ZNF44: variants seen among roughly 807,000 people sequenced by gnomAD.
The protein encoded by ZNF44 is gonadotropin inducible transcription repressor-2.
In ZNF44, 9 loss-of-function variants were observed where a neutral mutation model predicts 11.7. The ratio of observed to expected loss-of-function variants is 0.77; its 90% confidence interval spans 0.46 to 1.35. ZNF44 has a LOEUF of 1.35. ZNF44 is among the 40% of genes most tolerant of loss of function. ZNF44 has a pLI of 0.00. For synonymous variants in ZNF44, 224 were observed against 242.7 expected (o/e 0.92, Z 0.72); for missense variants, 696 against 743.1 (o/e 0.94, Z 0.74).
chr19:12,294,534 C>G (rs1968162492), intron 1 of ZNF44, among the ~76,000 whole-genome samples, 158 bp downstream of exon 1: 1 of 152,216 alleles, frequency 6.6e-6, no homozygotes, highest in Non-Finnish European at 1.5e-5. Flanking sequence ...CAGCCCCACC[C>G]TGCGGCCAAA....
At chr19:12,248,739 G>T in intron 7 of ZNF44, 1 of 984,892 alleles carries the variant, frequency 1.0e-6, no homozygotes, top group Non-Finnish European at 1.3e-6. Flanking sequence ...TTTATTAACT[G>T]ATACTAGAAT....
intron 1 of ZNF44, among the ~76,000 whole-genome samples, chr19:12,283,931 G>T (rs978111183): frequency 1.3e-5 from 2 of 152,210 alleles, no homozygotes; most frequent in African/African-American, 4.8e-5. Context: ...TGAGGCTGCA[G>T]TGAGCTGATT....
In ZNF44 at chr19:12,248,741, T is replaced by C. The variant is rs1916859024; in HGVS notation, c.*187-63A>G. 5 of 970,470 alleles carry C rather than the reference T, an allele frequency of 5.2e-6. No homozygotes were observed. The South Asian group carries it at 6.8e-5, about 13-fold the overall frequency. 60.1% of individuals were successfully genotyped at this position (970,470 alleles called of 1,614,324 possible). On this transcript the variant is annotated intron_variant and NMD_transcript_variant, in intron 7 of 7. Transcript: ENST00000393337. The stretch of plus-strand genomic sequence containing the variant: ...TAAAGATTTTCTCTTTATTAACTGA[T>C]ACTAGAATAACTATTTTTTCCACTT...
chr19:12,283,596 TG>T (rs1967586393), intron 1 of ZNF44, among the ~76,000 whole-genome samples: 1 of 152,242 alleles, frequency 6.6e-6, no homozygotes, highest in Non-Finnish European at 1.5e-5. Context: ...CCCAAAGTGC[TG>T]GGATTACAGG....
chr19:12,253,103 A>C (rs1917087782), intron 5 of ZNF44, among the ~76,000 whole-genome samples: 1 of 150,726 alleles, frequency 6.6e-6, no homozygotes, highest in South Asian at 2.1e-4. Context: ...TTGGCCAGCT[A>C]GTCTCGAACT....
At chr19:12,268,414 T>C (rs540141631), downstream of ZNF44, among the ~76,000 whole-genome samples, 74 of 152,330 alleles carry the variant, frequency 4.9e-4, no homozygotes, top group African/African-American at 1.7e-3. Context: ...AGATTATTTC[T>C]GGTCTCTCTA....
At chr19:12,249,788 G>A (rs1916919753) in intron 7 of ZNF44, among the ~76,000 whole-genome samples, 1 of 152,136 alleles carries the variant, frequency 6.6e-6, no homozygotes, top group Admixed American at 6.5e-5. Flanking sequence ...CCGACCTCAG[G>A]TGATCCGGCT....
At chr19:12,228,127 C>CAATT (rs1468719567) in intron 3 of ZNF44, among the ~76,000 whole-genome samples, 2 of 151,796 alleles carry the variant, frequency 1.3e-5, no homozygotes, top group African/African-American at 4.9e-5. Context: ...ATTTCCTTTA[C>CAATT]AATTAACCTG....
upstream of ZNF44, among the ~76,000 whole-genome samples, chr19:12,240,243 A>AGACCAGCAT (rs1487147599): frequency 2.0e-5 from 3 of 152,142 alleles, no homozygotes; most frequent in East Asian, 5.8e-4. Context: ...CAAGAGTTCA[A>AGACCAGCAT]GACCAGCATG....
At position 12,273,679 on chromosome 19, in the gene ZNF44, A is replaced by C; in HGVS notation, c.576T>G (p.Gly192=). Residue 192 remains glycine (G), a synonymous_variant, in exon 4 of 4, where the codon GGT becomes GGG. Coordinates refer to ENST00000355684, the MANE Select transcript of ZNF44 (RefSeq NM_016264.4). ...GNLRRHMVVK[G]GDGPYKCELC... ...ATTCACATTTATAAGGTCCATCTCCACCTTTTACTACCATATGTCTTCGAA... is the reference window on the plus strand; with the variant it reads ...ATTCACATTTATAAGGTCCATCTCCCCCTTTTACTACCATATGTCTTCGAA... 6.2e-7 allele frequency: 1 copy of C among 1,614,140 alleles called. No individual in the cohort carries two copies. The highest frequency in any genetic ancestry group is 8.5e-7 in the Non-Finnish European group (1 of 1,180,036).
chr19:12,251,888 C>G (rs539265743), intron 5 of ZNF44, among the ~76,000 whole-genome samples: 1 of 151,978 alleles, frequency 6.6e-6, no homozygotes. Flanking sequence ...CCTGTCTCTA[C>G]TAATAATACA....
intron 3 of ZNF44, 110 bp downstream of exon 3, chr19:12,274,863 T>C: frequency 1.4e-6 from 1 of 707,408 alleles, no homozygotes; most frequent in Admixed American, 3.3e-5. Flanking sequence ...TTTCTAAGAA[T>C]AAATAAATTT....
At chr19:12,292,532 G>C (rs796932379) in intron 1 of ZNF44, among the ~76,000 whole-genome samples, 1 of 152,000 alleles carries the variant, frequency 6.6e-6, no homozygotes, top group Non-Finnish European at 1.5e-5. Context: ...CTGGAACACA[G>C]ACAAGTCTCA....
upstream of ZNF44, among the ~76,000 whole-genome samples, chr19:12,239,337 C>T (rs575649172): frequency 1.3e-5 from 2 of 151,602 alleles, no homozygotes; most frequent in African/African-American, 4.8e-5. Context: ...TCGTCTTGAA[C>T]TCCTGACCTC....
At chr19:12,253,986 G>GA (rs918030367) in intron 5 of ZNF44, among the ~76,000 whole-genome samples, 3 of 151,708 alleles carry the variant, frequency 2.0e-5, no homozygotes, top group Admixed American at 1.3e-4. Flanking sequence ...CTCGAAAAAG[G>GA]AAAAAATAAG....
At chr19:12,247,579 T>C (rs1476580856), downstream of ZNF44, 5 of 1,338,588 alleles carry the variant, frequency 3.7e-6, no homozygotes, top group Non-Finnish European at 5.0e-6. Context: ...GCAAGAGTAA[T>C]GTATGTTTTC....
chr19:12,243,991 ATTTT>A (rs542737778), downstream of ZNF44, among the ~76,000 whole-genome samples: 67 of 151,276 alleles, frequency 4.4e-4, 1 homozygote, highest in South Asian at 2.7e-3. Flanking sequence ...TTTTAAATTT[ATTTT>A]TTCTTATTGT....
At chr19:12,293,716 A>G (rs1968115088) in intron 1 of ZNF44, among the ~76,000 whole-genome samples, 2 of 152,134 alleles carry the variant, frequency 1.3e-5, no homozygotes, top group South Asian at 4.1e-4. Flanking sequence ...TGTTAGCCCC[A>G]AGAGGAGTTA....
rs189920755 is a variant in ZNF44 at position 12,273,727 on chromosome 19, T to C, written c.528A>G (p.Lys176=). ...KKPYDCKECG[K]TFSSPGNLRR... Reference sequence around the variant, plus strand: ...GAAGGTTTCCAGGAGAACTGAAGGTTTTTCCACATTCCTTACAATCATAGG... The same window carrying C: ...GAAGGTTTCCAGGAGAACTGAAGGTCTTTCCACATTCCTTACAATCATAGG... Residue 176 remains lysine, a synonymous_variant, in exon 4 of 4, where the codon AAA becomes AAG. Coordinates refer to ENST00000355684, the MANE Select transcript of ZNF44 (RefSeq NM_016264.4). 76 of 1,614,164 alleles carry C rather than the reference T, an allele frequency of 4.7e-5. No homozygotes were observed. In the East Asian group the frequency reaches 1.6e-3, roughly 34 times the overall value.
Sources: gnomAD v4.1 joint callset for allele counts (sites outside exome capture counted in the v4.1 genomes callset) on GRCh38, gnomAD v4.1.1 for gene constraint, MANE v1.5 for transcripts, NCBI Gene and HGNC (gene_info 2026-07-23, HGNC 2026-07-21) for gene names.